MYO1E: variants seen among roughly 807,000 people sequenced by gnomAD.
MYO1E encodes the protein myosin IE.
Under a neutral mutation model 151.1 loss-of-function variants are expected in MYO1E, and 68 were observed. The ratio of observed to expected loss-of-function variants is 0.45; its 90% CI spans 0.37 to 0.55. MYO1E has a LOEUF of 0.55. MYO1E is among the 20% of genes least tolerant of loss of function. The pLI, the probability that MYO1E is intolerant of heterozygous loss-of-function variation, is 0.00. For synonymous variants in MYO1E, 601 were observed against 501.7 expected (o/e 1.20, Z -2.64); for missense variants, 1,363 against 1,389.3 (o/e 0.98, Z 0.30).
At chr15:59,310,775 C>T (rs560148118) in intron 1 of MYO1E, among the ~76,000 whole-genome samples, 5 of 152,146 alleles carry the variant, frequency 3.3e-5, no homozygotes, top group African/African-American at 9.6e-5. Context: ...AACAAGCCTT[C>T]GTGCCCAAAT....
chr15:59,337,435 G>C (rs1284455843), intron 1 of MYO1E, among the ~76,000 whole-genome samples: 1 of 152,196 alleles, frequency 6.6e-6, no homozygotes, highest in African/African-American at 2.4e-5. Flanking sequence ...ATAATATAAA[G>C]CACATGGTTT....
At chr15:59,147,142 G>T (rs1037623970) in intron 26 of MYO1E, among the ~76,000 whole-genome samples, 8 of 152,052 alleles carry the variant, frequency 5.3e-5, no homozygotes, top group Non-Finnish European at 1.0e-4. Flanking sequence ...CTCATGGATG[G>T]CTGCCGAATC....
intron 9 of MYO1E, among the ~76,000 whole-genome samples, chr15:59,219,148 G>A (rs575288571): frequency 6.6e-6 from 1 of 152,154 alleles, no homozygotes; most frequent in Non-Finnish European, 1.5e-5. Context: ...TCTTTGGATA[G>A]AAAAACGGAG....
chr15:59,334,996 G>A (rs1346653582), intron 1 of MYO1E, among the ~76,000 whole-genome samples: 4 of 152,044 alleles, frequency 2.6e-5, no homozygotes, highest in African/African-American at 4.8e-5. Flanking sequence ...ACTCCTCCTC[G>A]CTAAGAATAT....
chr15:59,339,866 T>C lies in MYO1E; in HGVS notation c.3+32632A>G, dbSNP rs78469232. On this transcript the variant is annotated intron_variant, in intron 1 of 27. Coordinates refer to ENST00000288235, the MANE Select transcript of MYO1E (RefSeq NM_004998.4). ...ATACTTTTTTTTGTTTTTTTTTTTT[T>C]TGACAGAGTCTTGCTCTGTCGCCTA... Among the ~76,000 whole-genome samples the C allele has an allele frequency of 3.3e-5, 5 of 151,098 alleles. No homozygotes were observed. The East Asian group carries it at 9.7e-4, about 29-fold the overall frequency.
intron 1 of MYO1E, among the ~76,000 whole-genome samples, chr15:59,304,619 T>G (rs986999385): frequency 2.0e-5 from 3 of 152,168 alleles, no homozygotes; most frequent in Non-Finnish European, 4.4e-5. Context: ...TCAGCATAAC[T>G]TTTTTTTCAA....
chr15:59,367,320 A>G lies in MYO1E; in HGVS notation c.3+5178T>C, dbSNP rs563963803. 1.9e-4 allele frequency among the ~76,000 whole-genome samples: 29 copies of G among 152,182 alleles called. 1 individual carries two copies. The South Asian group carries it at 5.8e-3, about 30-fold the overall frequency. On this transcript the variant is annotated intron_variant, in intron 1 of 27. Transcript: ENST00000288235. ...ATCAGAATGCACGCCGCTGCTCATT[A>G]TCTAACCCTCAGGAAAACGCCTGAG...
At chr15:59,184,627 C>G (rs2079684992) in intron 18 of MYO1E, among the ~76,000 whole-genome samples, 1 of 152,172 alleles carries the variant, frequency 6.6e-6, no homozygotes, top group South Asian at 2.1e-4. Flanking sequence ...TCCCAAAGTG[C>G]TAGGATTACA....
chr15:59,172,292 G>A (rs188707462), intron 21 of MYO1E, among the ~76,000 whole-genome samples: 7 of 152,342 alleles, frequency 4.6e-5, no homozygotes, highest in Non-Finnish European at 7.3e-5. Flanking sequence ...GGGAGGTGGA[G>A]GTTGCAGTGA....
At chr15:59,222,893 G>GAGGTA in intron 9 of MYO1E, among the ~76,000 whole-genome samples, 166 bp downstream of exon 9, 1 of 152,316 alleles carries the variant, frequency 6.6e-6, no homozygotes, top group East Asian at 1.9e-4. Flanking sequence ...GTGCATAGAA[G>GAGGTA]AGGTCTGGTC....
intron 4 of MYO1E, among the ~76,000 whole-genome samples, chr15:59,254,140 G>T (rs2080181117): frequency 6.6e-6 from 1 of 152,000 alleles, no homozygotes; most frequent in African/African-American, 2.4e-5. Flanking sequence ...TGATTTCTTA[G>T]AGGCACATAC....
chr15:59,197,196 T>C (rs889454803), intron 16 of MYO1E, among the ~76,000 whole-genome samples: 3 of 152,102 alleles, frequency 2.0e-5, no homozygotes, highest in African/African-American at 7.2e-5. Context: ...TTTCACCATG[T>C]TGGTCAGGCT....
intron 4 of MYO1E, among the ~76,000 whole-genome samples, chr15:59,240,722 T>G (rs575345225): frequency 6.6e-6 from 1 of 152,252 alleles, no homozygotes; most frequent in Non-Finnish European, 1.5e-5. Flanking sequence ...CCTGGCTCTG[T>G]ACCACAGGAA....
chr15:59,362,292 C>T (rs560652651), intron 1 of MYO1E, among the ~76,000 whole-genome samples: 1 of 152,308 alleles, frequency 6.6e-6, no homozygotes, highest in Non-Finnish European at 1.5e-5. Context: ...CTTTACCAAA[C>T]ACTACCCTTG....
rs144252862 is a variant in MYO1E at position 59,262,961 on chromosome 15, A to G, written c.148-1452T>C. Among the ~76,000 whole-genome samples the G allele has an allele frequency of 1.4e-4, 21 of 152,288 alleles. No homozygotes were observed. The East Asian group carries it at 4.1e-3, about 29-fold the overall frequency. On this transcript the variant is annotated intron_variant, in intron 2 of 27. Transcript: ENST00000288235. ...CGGGATATGACAGTGAACAAAATAA[A>G]TAGAATATATATAACTTCTTGACTT... is the stretch of plus-strand genomic sequence containing the variant.
At chr15:59,320,981 T>C (rs540195203) in intron 1 of MYO1E, among the ~76,000 whole-genome samples, 2 of 151,916 alleles carry the variant, frequency 1.3e-5, no homozygotes, top group East Asian at 1.9e-4. Context: ...CTTTTAACAA[T>C]TGAACAAGCA....
Position 59,159,874 on chromosome 15 carries a change from C to T in MYO1E, c.2785+1199G>A, listed in dbSNP as rs1471879270. ...TTAATTAATTTTTGAGATGGAGTTTCGCTCTTGTTGCCCAGGCTGGTGTGC... is the reference window on the plus strand; with the variant it reads ...TTAATTAATTTTTGAGATGGAGTTTTGCTCTTGTTGCCCAGGCTGGTGTGC... On this transcript the variant is annotated intron_variant, in intron 24 of 27. Coordinates refer to ENST00000288235, the MANE Select transcript of MYO1E (RefSeq NM_004998.4). The surrounding 1 kb of genome is among the most constrained non-coding windows in gnomAD (Gnocchi z 4.4). Among the ~76,000 whole-genome samples the T allele has an allele frequency of 4.6e-5, 7 of 152,232 alleles. No homozygotes were observed. The highest frequency in any genetic ancestry group is 2.6e-4 in the Admixed American group (4 of 15,288).
intron 1 of MYO1E, among the ~76,000 whole-genome samples, chr15:59,323,420 G>A (rs76420004): frequency 1.3e-5 from 2 of 151,896 alleles, no homozygotes; most frequent in Non-Finnish European, 2.9e-5. Flanking sequence ...TTGGGAGGCC[G>A]AGGTGGGAGA....
At position 59,133,977 on chromosome 15, in the gene MYO1E, A is replaced by C. The variant is rs561678596; in HGVS notation, c.*3403T>G. On this transcript the variant is annotated 3_prime_UTR_variant, in exon 28 of 28. Coordinates refer to ENST00000288235, the MANE Select transcript of MYO1E (RefSeq NM_004998.4). ...GTTTGTAATTCATAAAGGCACATCC[A>C]TATTTTCTCTTACTCATTTTTGTGA... 2 of 152,330 alleles carry C rather than the reference A, an allele frequency of 1.3e-5. No individual in the cohort carries two copies. The highest frequency in any genetic ancestry group is 4.8e-5 in the African/African-American group (2 of 41,580). The allele number at this position is 152,330 out of a possible 1,614,324, so 9.4% of individuals were successfully genotyped here. A position where few individuals can be genotyped will look rare whatever the true frequency, so the allele number is the denominator to read the frequency against.
Sources: gnomAD v4.1 joint callset for allele counts (sites outside exome capture counted in the v4.1 genomes callset) on GRCh38, gnomAD v4.1.1 for gene constraint, Gnocchi (gnomAD v3.1) non-coding constraint, MANE v1.5 for transcripts, NCBI Gene and HGNC (gene_info 2026-07-23, HGNC 2026-07-21) for gene names.